The following DPP6 variants were observed in gnomAD, a reference collection of about 807,000 sequenced individuals.
DPP6 encodes the protein A-type potassium channel modulatory protein DPP6.
Under a neutral mutation model 122.6 loss-of-function variants are expected in DPP6, and 69 were observed. The ratio of observed to expected loss-of-function variants is 0.56; its 90% CI spans 0.46 to 0.69. DPP6 has a LOEUF of 0.69. Among genes scored for constraint, DPP6 ranks in the 30% least tolerant of loss-of-function variants. The pLI is 0.00. For missense variants in DPP6, 928 were observed against 1,116.9 expected (o/e 0.83, Z 2.41); for synonymous variants, 418 against 433.1 (o/e 0.97, Z 0.43).
At chr7:154,544,965 C>T (rs1314681521) in intron 4 of DPP6, among the ~76,000 whole-genome samples, 6 of 152,172 alleles carry the variant, frequency 3.9e-5, no homozygotes, top group Non-Finnish European at 5.9e-5. Flanking sequence ...GTGGAATCCA[C>T]GCCACTTTAG....
chr7:154,807,696 CCTGTAATCT>C (rs1798787954), intron 16 of DPP6, among the ~76,000 whole-genome samples: 1 of 151,984 alleles, frequency 6.6e-6, no homozygotes. Context: ...GTGGTGAATG[CCTGTAATCT>C]CAGCTACTAG....
intron 1 of DPP6, among the ~76,000 whole-genome samples, chr7:154,086,326 G>A (rs1057066113): frequency 4.1e-5 from 6 of 146,706 alleles, no homozygotes; most frequent in Non-Finnish European, 7.5e-5. Flanking sequence ...AGCATGCCGA[G>A]CAGGGTATAG....
intron 7 of DPP6, among the ~76,000 whole-genome samples, chr7:154,687,431 G>T (rs983195172): frequency 1.3e-5 from 2 of 152,302 alleles, no homozygotes; most frequent in East Asian, 1.9e-4. Flanking sequence ...TTTGCTGTGT[G>T]TATATTTCAT....
chr7:154,192,076 T>G (rs1798642243), intron 1 of DPP6, among the ~76,000 whole-genome samples: 1 of 152,226 alleles, frequency 6.6e-6, no homozygotes, highest in East Asian at 1.9e-4. Flanking sequence ...AGTATTTTCC[T>G]GTTTTAGCTG....
chr7:154,154,284 G>A (rs1201374567), intron 1 of DPP6, among the ~76,000 whole-genome samples: 3 of 152,210 alleles, frequency 2.0e-5, no homozygotes, highest in Admixed American at 1.3e-4. Flanking sequence ...TCCTCTGACT[G>A]TAAAGCTTTG....
At chr7:153,917,934 C>T (rs914432794) in intron 1 of DPP6, among the ~76,000 whole-genome samples, 12 of 152,182 alleles carry the variant, frequency 7.9e-5, no homozygotes, top group African/African-American at 2.9e-4. Flanking sequence ...CTACCCAATT[C>T]AGAAAATTAC....
intron 1 of DPP6, among the ~76,000 whole-genome samples, chr7:153,957,085 A>G (rs866239634): frequency 1.5e-4 from 23 of 152,348 alleles, no homozygotes; most frequent in Admixed American, 6.5e-5. Context: ...TTACCTGAGG[A>G]GAGATGAGTT....
chr7:154,331,876 G>A (rs1808976572), intron 1 of DPP6, among the ~76,000 whole-genome samples: 1 of 152,152 alleles, frequency 6.6e-6, no homozygotes, highest in Non-Finnish European at 1.5e-5. Flanking sequence ...ATCCCAGGAT[G>A]TTCTCTTCTT....
chr7:154,885,569 G>A (rs1309729785), intron 21 of DPP6, 64 bp from the exon 22 acceptor site: 11 of 1,534,470 alleles, frequency 7.2e-6, no homozygotes, highest in African/African-American at 2.8e-5. Flanking sequence ...CTCCCTGCCC[G>A]AGGCTGCTTC....
At chr7:154,399,897 A>G (rs1237137851) in intron 1 of DPP6, among the ~76,000 whole-genome samples, 1 of 152,178 alleles carries the variant, frequency 6.6e-6, no homozygotes, top group Non-Finnish European at 1.5e-5. Flanking sequence ...TAATAGATAC[A>G]ATTTACTGAA....
At chr7:153,791,486 T>C in the DPP6 span, among the ~76,000 whole-genome samples, 1 of 131,726 alleles carries the variant, frequency 7.6e-6, no homozygotes, top group African/African-American at 2.8e-5. Context: ...TGGCAGGATC[T>C]TGGCTCACTG....
At chr7:153,843,279 C>T in the DPP6 span, among the ~76,000 whole-genome samples, 22 of 146,286 alleles carry the variant, frequency 1.5e-4, 1 homozygote, top group Admixed American at 1.0e-3. Flanking sequence ...CATGCGCGCG[C>T]GCACACACAC....
In DPP6 at chr7:154,877,405, GCA is replaced by G. The variant is rs3837065; in HGVS notation, c.2078+1331_2078+1332del. Among the ~76,000 whole-genome samples, 13,641 of 149,584 alleles carry G rather than the reference GCA, an allele frequency of 0.091. 1,340 individuals are homozygous for G. The highest frequency in any genetic ancestry group is 0.23 in the African/African-American group (9,327 of 40,870). ...TGACTACAACAACACATGTGTGCGT[GCA>G]CACACACACACACACACACACACAC... On this transcript the variant is annotated intron_variant, in intron 20 of 25. Coordinates refer to ENST00000377770, the MANE Select transcript of DPP6 (RefSeq NM_130797.4). The surrounding 1 kb of genome is among the most constrained non-coding windows in gnomAD (Gnocchi z 5.2).
At chr7:154,677,211 A>G (rs1175626255) in intron 7 of DPP6, among the ~76,000 whole-genome samples, 1 of 152,132 alleles carries the variant, frequency 6.6e-6, no homozygotes, top group Non-Finnish European at 1.5e-5. Flanking sequence ...TTCCAAGCAA[A>G]CTATTCCAAG....
At chr7:153,994,258 G>A (rs193053477) in intron 1 of DPP6, among the ~76,000 whole-genome samples, 1 of 151,660 alleles carries the variant, frequency 6.6e-6, no homozygotes, top group East Asian at 1.9e-4. Flanking sequence ...TAAGAAGGCA[G>A]TTCTCTCAAA....
intron 1 of DPP6, among the ~76,000 whole-genome samples, chr7:154,303,208 A>G (rs544096482): frequency 6.6e-5 from 10 of 152,150 alleles, no homozygotes; most frequent in African/African-American, 2.2e-4. Context: ...GTCCTGAGCA[A>G]CTCTGAGGCT....
chr7:154,772,732 C>A, intron 9 of DPP6, 113 bp from the exon 10 acceptor site: 1 of 1,415,264 alleles, frequency 7.1e-7, no homozygotes. Flanking sequence ...TAATATGGAG[C>A]TCCAGTGTCC....
chr7:153,790,729 C>T, the DPP6 span, among the ~76,000 whole-genome samples: 67,210 of 152,042 alleles, frequency 0.44, 15,097 homozygotes, highest in South Asian at 0.54. Context: ...ATATTGAAAA[C>T]ATGATCTGTC....
intron 21 of DPP6, among the ~76,000 whole-genome samples, chr7:154,881,293 G>A (rs1805368985): frequency 6.6e-6 from 1 of 152,202 alleles, no homozygotes; most frequent in Non-Finnish European, 1.5e-5. Context: ...TGGATAACTC[G>A]ATGTGGAGTA....
Sources: allele counts gnomAD v4.1 joint callset (sites outside exome capture counted in the v4.1 genomes callset), GRCh38; gene constraint gnomAD v4.1.1; non-coding constraint Gnocchi (gnomAD v3.1); transcripts MANE v1.5; gene names NCBI Gene and HGNC (gene_info 2026-07-23, HGNC 2026-07-21).